The following RPA1 variants were observed in gnomAD, a reference collection of about 807,000 sequenced individuals.
RPA1 encodes the protein replication protein A1, also known as replication protein A 70 kDa DNA-binding subunit.
Under a neutral mutation model 83.0 loss-of-function variants are expected in RPA1, and 49 were observed. That is an observed-to-expected ratio of 0.59 (90% CI 0.47 to 0.75). The LOEUF is 0.75. RPA1 is among the 30% of genes least tolerant of loss of function. RPA1 has a pLI of 0.00. For synonymous variants in RPA1, 279 were observed against 281.8 expected (o/e 0.99, Z 0.10); for missense variants, 693 against 776.1 (o/e 0.89, Z 1.27).
chr17:1,831,379 C>A (rs1374119096), intron 1 of RPA1, among the ~76,000 whole-genome samples: 1 of 152,080 alleles, frequency 6.6e-6, no homozygotes, highest in East Asian at 1.9e-4. Context: ...GTGTATTTTG[C>A]CTCTGCGTAG....
intron 16 of RPA1, among the ~76,000 whole-genome samples, chr17:1,895,351 T>TA (rs1394212832): frequency 9.2e-5 from 14 of 151,812 alleles, no homozygotes; most frequent in Admixed American, 6.6e-4. Context: ...TTTTTTTATT[T>TA]TTATTTTTTT....
In RPA1 at chr17:1,888,702, G is replaced by A; in HGVS notation, c.1402G>A (p.Val468Met). 1 of 1,614,122 alleles carries A rather than the reference G, an allele frequency of 6.2e-7. No individual in the cohort carries two copies. The highest frequency in any genetic ancestry group is 8.5e-7 in the Non-Finnish European group (1 of 1,179,986). The change falls in exon 14 of 17, where the codon GTG (valine) becomes ATG (methionine). Residue 468 changes from valine (V) to methionine (M), a missense_variant. Val to Met is a conservative substitution (Grantham distance 21, BLOSUM62 1). Coordinates refer to ENST00000254719, the MANE Select transcript of RPA1 (RefSeq NM_002945.5). The part of the protein sequence containing the change: ...KPDYFSSVAT[V>M]VYLRKENCMY... ...GGACTACTTTAGTTCTGTGGCCACA[G>A]TGGTGTATCTTCGCAAAGAGAACTG...
At chr17:1,851,892 T>C (rs910796143) in intron 4 of RPA1, among the ~76,000 whole-genome samples, 1 of 152,228 alleles carries the variant, frequency 6.6e-6, no homozygotes, top group Non-Finnish European at 1.5e-5. Context: ...ATCCAAATTA[T>C]AGCAGTCAGA....
intron 10 of RPA1, 69 bp from the exon 11 acceptor site, chr17:1,879,491 C>G (rs902215855): frequency 1.4e-5 from 23 of 1,611,716 alleles, no homozygotes; most frequent in African/African-American, 2.7e-5. Flanking sequence ...CAGTGCTTGC[C>G]GTTCATCATT....
intron 13 of RPA1, among the ~76,000 whole-genome samples, chr17:1,886,697 T>G (rs191451666): frequency 6.7e-6 from 1 of 150,078 alleles, no homozygotes; most frequent in African/African-American, 2.5e-5. Flanking sequence ...CCATCTTTTC[T>G]TCTGCAGCTT....
intron 6 of RPA1, among the ~76,000 whole-genome samples, chr17:1,873,992 C>CAAAAAA (rs71150832): frequency 2.2e-4 from 10 of 45,416 alleles, no homozygotes; most frequent in African/African-American, 1.6e-3. Flanking sequence ...GACTCTGTCT[C>CAAAAAA]AAAAAAAAAA....
At chr17:1,876,587 ATAGT>A (rs1156795941) in intron 7 of RPA1, among the ~76,000 whole-genome samples, 1 of 152,232 alleles carries the variant, frequency 6.6e-6, no homozygotes, top group East Asian at 1.9e-4. Context: ...AGTAATTTGA[ATAGT>A]TAAAAATTAG....
At position 1,877,265 on chromosome 17, in the gene RPA1, A is replaced by G. The variant is rs1029882563; in HGVS notation, c.641A>G (p.Asn214Ser). The change falls in exon 8 of 17, where the codon AAC (asparagine) becomes AGC (serine). Residue 214 changes from asparagine to serine, a missense_variant. By Grantham distance (46) the Asn-to-Ser change is conservative. Coordinates refer to ENST00000254719, the MANE Select transcript of RPA1 (RefSeq NM_002945.5). The stretch of plus-strand genomic sequence containing the variant: ...AAAAGTCAGATCCGTACCTGGAGCA[A>G]CTCCCGAGGGGAAGGGAAGCTTTTC... The part of the protein sequence containing the change: ...TNKSQIRTWS[N>S]SRGEGKLFSL... 5 of 1,613,968 alleles carry G rather than the reference A, an allele frequency of 3.1e-6. No individual in the cohort carries two copies. Among genetic ancestry groups the G allele is most frequent in the South Asian group, 2.2e-5 (2 of 91,076 alleles).
intron 13 of RPA1, among the ~76,000 whole-genome samples, chr17:1,887,866 C>A (rs1405560835): frequency 6.6e-6 from 1 of 152,072 alleles, no homozygotes; most frequent in Non-Finnish European, 1.5e-5. Flanking sequence ...GCACCCCAGC[C>A]TGGGCGACAG....
chr17:1,871,199 T>C (rs1270181693), intron 5 of RPA1, among the ~76,000 whole-genome samples: 2 of 152,236 alleles, frequency 1.3e-5, no homozygotes, highest in Non-Finnish European at 2.9e-5. Flanking sequence ...ATAATCTGGC[T>C]CTTTTTCTAT....
intron 5 of RPA1, among the ~76,000 whole-genome samples, chr17:1,864,079 G>A (rs776312435): frequency 2.6e-5 from 4 of 152,138 alleles, no homozygotes; most frequent in African/African-American, 9.7e-5. Flanking sequence ...GAAATCTTCC[G>A]CTGTGTATCT....
rs1216126186 is a variant in RPA1, at chr17:1,899,917, C to G, written c.*2742C>G. On this transcript the variant is annotated 3_prime_UTR_variant, in exon 17 of 17. Transcript: ENST00000254719. The stretch of plus-strand genomic sequence containing the variant: ...TCAAAGGGAAGATTCCCCCCACTCC[C>G]CGGCCACCTTTTATGTGGTTTGTTA... 1 of 152,170 alleles carries G rather than the reference C, an allele frequency of 6.6e-6. No homozygotes were observed. The highest frequency in any genetic ancestry group is 1.5e-5 in the Non-Finnish European group (1 of 68,042). The allele number at this position is 152,170 out of a possible 1,614,324, so 9.4% of individuals were successfully genotyped here. A position where few individuals can be genotyped will look rare whatever the true frequency, so the allele number is the denominator to read the frequency against.
In RPA1 at chr17:1,842,794, C is replaced by T. The variant is rs1567802429; in HGVS notation, c.34-9C>T. ...CGTATCTCACACAAACCTGTTTTTACTCCCTCAGGCCATCATGCAGAAGGG... is the reference window on the plus strand; with the variant it reads ...CGTATCTCACACAAACCTGTTTTTATTCCCTCAGGCCATCATGCAGAAGGG... On this transcript the variant is annotated splice_polypyrimidine_tract_variant and intron_variant, in intron 1 of 16. Coordinates refer to ENST00000254719, the MANE Select transcript of RPA1 (RefSeq NM_002945.5). 3 of 1,613,598 alleles carry T rather than the reference C, an allele frequency of 1.9e-6. No individual in the cohort carries two copies. Among genetic ancestry groups the T allele is most frequent in the Non-Finnish European group, 2.5e-6 (3 of 1,179,618 alleles).
chr17:1,839,144 C>T (rs973445147), intron 1 of RPA1, among the ~76,000 whole-genome samples: 16 of 152,186 alleles, frequency 1.1e-4, no homozygotes, highest in African/African-American at 3.9e-4. Context: ...GCGTGAGCCA[C>T]TGCGCCCGGC....
intron 6 of RPA1, among the ~76,000 whole-genome samples, chr17:1,874,032 T>TATATATATATATATATATAC (rs1171343408): frequency 2.5e-5 from 2 of 79,248 alleles, no homozygotes; most frequent in African/African-American, 6.3e-5. Flanking sequence ...TATATATATA[T>TATATATATATATATATATAC]ACACACACAC....
At chr17:1,885,391 C>T (rs1217102536) in intron 13 of RPA1, among the ~76,000 whole-genome samples, 1 of 152,174 alleles carries the variant, frequency 6.6e-6, no homozygotes, top group South Asian at 2.1e-4. Context: ...GCCTCAGTGT[C>T]TACCTTGAGG....
Position 1,844,001 on chromosome 17 carries a change from G to T in RPA1, c.163+3G>T. ...TGATGGATTGAACACTCTATCCTGT[G>T]AGTATGGTGTATCCATCTAGAAATG... On this transcript the variant is annotated splice_donor_region_variant and intron_variant, in intron 3 of 16. Coordinates refer to ENST00000254719, the MANE Select transcript of RPA1 (RefSeq NM_002945.5). 1 of 1,611,640 alleles carries T rather than the reference G, an allele frequency of 6.2e-7. No homozygotes were observed. The highest frequency in any genetic ancestry group is 1.1e-5 in the South Asian group (1 of 90,904).
chr17:1,843,180 C>T (rs922585009), intron 2 of RPA1, among the ~76,000 whole-genome samples: 7 of 151,328 alleles, frequency 4.6e-5, no homozygotes, highest in African/African-American at 1.7e-4. Context: ...TTTCATATGA[C>T]CTCCAGAAAT....
At chr17:1,861,720 C>G (rs920294656) in intron 5 of RPA1, among the ~76,000 whole-genome samples, 4 of 151,454 alleles carry the variant, frequency 2.6e-5, no homozygotes, top group Non-Finnish European at 5.9e-5. Flanking sequence ...GAATGTGGTG[C>G]TCTCTCTTTT....
Sources: allele counts gnomAD v4.1 joint callset (sites outside exome capture counted in the v4.1 genomes callset), GRCh38; gene constraint gnomAD v4.1.1; transcripts MANE v1.5; gene names NCBI Gene and HGNC (gene_info 2026-07-23, HGNC 2026-07-21).